AHRR: variants seen among roughly 807,000 people sequenced by gnomAD.
AHRR encodes the protein aryl hydrocarbon receptor repressor, also known as ahR repressor.
Under a neutral mutation model 44.0 loss-of-function variants are expected in AHRR, and 28 were observed. That is an observed-to-expected ratio of 0.64 (90% confidence interval 0.47 to 0.87). The LOEUF is 0.87. Among genes scored for constraint, AHRR ranks in the 40% least tolerant of loss-of-function variants. AHRR has a pLI of 0.00. For missense variants in AHRR, 990 were observed against 953.9 expected (o/e 1.04, Z -0.50); for synonymous variants, 434 against 407.0 (o/e 1.07, Z -0.80).
In AHRR at chr5:338,669, C is replaced by T. The variant is rs1369397136; in HGVS notation, c.-10-5224C>T. Among the ~76,000 whole-genome samples the T allele has an allele frequency of 6.6e-6, 1 of 152,092 alleles. No homozygotes were observed. Among genetic ancestry groups the T allele is most frequent in the Admixed American group, 6.6e-5 (1 of 15,266 alleles). On this transcript the variant is annotated intron_variant, in intron 1 of 10. Coordinates refer to ENST00000684583, the MANE Select transcript of AHRR (RefSeq NM_001377236.1). This position sits in a 1 kb window ranked among gnomAD's most constrained non-coding sequence, Gnocchi z 4.1. ...CCAGACTGGGCAACATGATGAAACCCCATCTCTACAAAAAATACAAAAATA... is the reference window on the plus strand; with the variant it reads ...CCAGACTGGGCAACATGATGAAACCTCATCTCTACAAAAAATACAAAAATA...
intron 2 of AHRR, among the ~76,000 whole-genome samples, chr5:346,936 G>A (rs1032725211): frequency 2.0e-5 from 3 of 152,148 alleles, no homozygotes; most frequent in Non-Finnish European, 2.9e-5. Flanking sequence ...TAGCTTGCAA[G>A]AGTTAAAATC....
chr5:415,373 G>GGCTGGGAGGCCTAGGGGCCGAATCTGCCT (rs1735696611), intron 5 of AHRR, among the ~76,000 whole-genome samples: 1 of 123,914 alleles, frequency 8.1e-6, no homozygotes, highest in African/African-American at 2.8e-5. Context: ...CTCCCTGGTC[G>GGCTGGGAGGCCTAGGGGCCGAATCTGCCT]GGTGGGAGGC....
chr5:421,284 C>T (rs557502146), intron 5 of AHRR: 1 of 698,398 alleles, frequency 1.4e-6, no homozygotes, highest in Admixed American at 2.0e-5. Context: ...ACGGAACGGG[C>T]GAGGCTGTTG....
At chr5:389,903 G>C (rs1158268981) in intron 4 of AHRR, among the ~76,000 whole-genome samples, 5 of 122,174 alleles carry the variant, frequency 4.1e-5, no homozygotes, top group East Asian at 3.1e-4. Context: ...GGAAAGGGTG[G>C]GGGGAGGGGA....
At chr5:398,752 G>C (rs2126489225) in intron 4 of AHRR, among the ~76,000 whole-genome samples, 1 of 152,352 alleles carries the variant, frequency 6.6e-6, no homozygotes, top group Non-Finnish European at 1.5e-5. Flanking sequence ...TCTGTGAGAA[G>C]GGCTGGGCTG....
chr5:323,750 G>T (rs908796048), intron 1 of AHRR, among the ~76,000 whole-genome samples: 6 of 152,142 alleles, frequency 3.9e-5, no homozygotes, highest in Non-Finnish European at 8.8e-5. Context: ...GATGCCGCCG[G>T]GTGGCCCTGA....
In AHRR at chr5:337,706, G is replaced by A. The variant is rs555460852; in HGVS notation, c.-10-6187G>A. On this transcript the variant is annotated intron_variant, in intron 1 of 10. Transcript: ENST00000684583. The surrounding 1 kb of genome is among the most constrained non-coding windows in gnomAD (Gnocchi z 4.1). The stretch of plus-strand genomic sequence containing the variant: ...AGAGGAGAACTCTGGATGGTGCTCC[G>A]GGGCTGCGGGAGGCCCCTAAGGAGT... Among the ~76,000 whole-genome samples the A allele has an allele frequency of 4.6e-4, 70 of 152,300 alleles. No homozygotes were observed. The highest frequency in any genetic ancestry group is 1.5e-3 in the African/African-American group (64 of 41,554).
chr5:422,472 C>T, intron 5 of AHRR: 1 of 502,892 alleles, frequency 2.0e-6, no homozygotes, highest in East Asian at 3.8e-5. Flanking sequence ...TCTTAGCCTC[C>T]CGCTTGCCCC....
At chr5:343,205 C>G (rs911249938) in intron 1 of AHRR, among the ~76,000 whole-genome samples, 6 of 151,772 alleles carry the variant, frequency 4.0e-5, no homozygotes, top group African/African-American at 9.7e-5. Context: ...GACCTGAGTA[C>G]CCTCTCAGAG....
intron 3 of AHRR, among the ~76,000 whole-genome samples, chr5:366,065 C>A (rs1195299656): frequency 6.6e-6 from 1 of 151,872 alleles, no homozygotes; most frequent in Non-Finnish European, 1.5e-5. Context: ...CCTTCCCCCC[C>A]CACCCCCTGC....
At chr5:381,436 A>ATCTGCCTT (rs1451508823) in intron 4 of AHRR, among the ~76,000 whole-genome samples, 1 of 148,202 alleles carries the variant, frequency 6.7e-6, no homozygotes, top group East Asian at 2.0e-4. Flanking sequence ...CAAAGAGGCT[A>ATCTGCCTT]TCTGCCTTGT....
At chr5:376,979 A>G (rs1560898598) in intron 4 of AHRR, among the ~76,000 whole-genome samples, 1 of 152,210 alleles carries the variant, frequency 6.6e-6, no homozygotes, top group Admixed American at 6.5e-5. Flanking sequence ...TGTGTGCTAC[A>G]TCAGGAAATC....
At chr5:414,407 C>T (rs55649516) in intron 5 of AHRR, among the ~76,000 whole-genome samples, 16,860 of 152,078 alleles carry the variant, frequency 0.11, 1,266 homozygotes, top group Non-Finnish European at 0.15. Flanking sequence ...CATTGCACGG[C>T]GAGGACCCCC....
intron 3 of AHRR, among the ~76,000 whole-genome samples, chr5:368,214 C>T (rs567227338): frequency 2.0e-5 from 3 of 152,010 alleles, no homozygotes; most frequent in Admixed American, 6.5e-5. Flanking sequence ...AGTGAGGGCT[C>T]GGTGCCCTCT....
chr5:397,958 A>G (rs1734819037), intron 4 of AHRR, among the ~76,000 whole-genome samples: 1 of 113,650 alleles, frequency 8.8e-6, no homozygotes, highest in African/African-American at 3.3e-5. Context: ...GTAGCCCCTG[A>G]CCATCCACAT....
chr5:426,840 CAT>C (rs1005270211), intron 7 of AHRR, among the ~76,000 whole-genome samples: 16 of 108,062 alleles, frequency 1.5e-4, no homozygotes, highest in African/African-American at 5.3e-4. Flanking sequence ...TGGGTGGAAA[CAT>C]GGATAGATGG....
chr5:389,823 G>A (rs1008931945), intron 4 of AHRR, among the ~76,000 whole-genome samples: 7 of 150,618 alleles, frequency 4.6e-5, no homozygotes, highest in African/African-American at 1.7e-4. Flanking sequence ...ACAGGAGTGA[G>A]ACCCAACCTG....
chr5:365,491 A>G (rs1282569038), intron 3 of AHRR, among the ~76,000 whole-genome samples: 1 of 152,206 alleles, frequency 6.6e-6, no homozygotes, highest in Non-Finnish European at 1.5e-5. Context: ...AAATAATCTT[A>G]AGTGTTTATG....
rs141264021 is a variant in AHRR, at chr5:400,162, G to C, written c.352-13182G>C. Among the ~76,000 whole-genome samples, 64 of 152,382 alleles carry C rather than the reference G, an allele frequency of 4.2e-4. No individual in the cohort carries two copies. In the East Asian group the frequency reaches 0.011, roughly 26 times the overall value. On this transcript the variant is annotated intron_variant, in intron 4 of 10. Coordinates refer to ENST00000684583, the MANE Select transcript of AHRR (RefSeq NM_001377236.1). ...TACTCCGAGGAGGGGCAGCCAGGGG[G>C]ATGTGGAGGGTTGTTCCTTTTTCCC...
Sources: gnomAD v4.1 joint callset for allele counts (sites outside exome capture counted in the v4.1 genomes callset) on GRCh38, gnomAD v4.1.1 for gene constraint, Gnocchi (gnomAD v3.1) non-coding constraint, MANE v1.5 for transcripts, NCBI Gene and HGNC (gene_info 2026-07-23, HGNC 2026-07-21) for gene names.